Variants in SCLY observed in about 807,000 individuals in gnomAD.
The protein encoded by SCLY is selenocysteine lyase.
In SCLY, 38 loss-of-function variants were observed where a neutral mutation model predicts 50.1. That is an observed-to-expected ratio of 0.76 (90% CI 0.59 to 0.99). The LOEUF is 0.99. Ranked by LOEUF, SCLY falls within the 50% of genes least tolerant of loss-of-function variation. The probability of loss-of-function intolerance (pLI) is 0.00; values close to 1 mark genes in which losing one functional copy is unlikely to be tolerated. For synonymous variants in SCLY, 243 were observed against 249.4 expected, an observed-to-expected ratio of 0.97 and a Z score of 0.24; for missense variants, 600 against 620.0, an observed-to-expected ratio of 0.97 and a Z score of 0.34.
At chr2:238,085,771 G>A (rs1318988662) in intron 7 of SCLY, among the ~76,000 whole-genome samples, 1 of 152,092 alleles carries the variant, frequency 6.6e-6, no homozygotes, top group East Asian at 1.9e-4. Context: ...GGACCTATGA[G>A]ACGATAACAA....
intron 8 of SCLY, 81 bp downstream of exon 8, chr2:238,091,335 T>C (rs1253926526): frequency 9.0e-7 from 1 of 1,111,028 alleles, no homozygotes; most frequent in Non-Finnish European, 1.4e-6. Flanking sequence ...AATCTGGGGC[T>C]TTAGGGAGAT....
Position 238,066,836 on chromosome 2 carries a change from A to G in SCLY, c.203-1229A>G, listed in dbSNP as rs985803299. Reference sequence around the variant, plus strand: ...AGGTTTAATTGACTCACAGTTTCCCATGGCTGGGGAGGCCCCACAATCACG... The same window carrying G: ...AGGTTTAATTGACTCACAGTTTCCCGTGGCTGGGGAGGCCCCACAATCACG... On this transcript the variant is annotated intron_variant, in intron 2 of 11. Transcript: ENST00000254663. The surrounding 1 kb of genome is among the most constrained non-coding windows in gnomAD (Gnocchi z 4.1). Among the ~76,000 whole-genome samples the G allele has an allele frequency of 1.3e-5, 2 of 152,356 alleles. No individual in the cohort carries two copies. Among genetic ancestry groups the G allele is most frequent in the African/African-American group, 4.8e-5 (2 of 41,590 alleles).
chr2:238,083,155 C>T lies in SCLY; in HGVS notation c.778-93C>T, dbSNP rs2278742. ...AGCAGCAGGACTATGCATTGCAGAG[C>T]ATTTCTCCTGTGTGCCCCTAAGCAC... On this transcript the variant is annotated intron_variant, in intron 6 of 11. Coordinates refer to ENST00000254663, the MANE Select transcript of SCLY (RefSeq NM_016510.7). The surrounding 1 kb of genome is among the most constrained non-coding windows in gnomAD (Gnocchi z 4.3). The T allele has an allele frequency of 0.51, 450,687 of 880,998 alleles. 117,497 individuals are homozygous for T. Among genetic ancestry groups the T allele is most frequent in the African/African-American group, 0.57 (34,293 of 60,652 alleles). 54.6% of individuals were successfully genotyped at this position (880,998 alleles called of 1,614,324 possible).
In SCLY at chr2:238,098,748, T is replaced by C. The variant is rs1205331696; in HGVS notation, c.*393T>C. On this transcript the variant is annotated 3_prime_UTR_variant, in exon 12 of 12. Transcript: ENST00000254663. ...TGGGCACGCCTGTTGTGAGTGCCCT[T>C]TCCTGGAAGGTGTTTTTATCTGGAA... 2.9e-6 allele frequency: 1 copy of C among 340,600 alleles called. No individual in the cohort carries two copies. 21.1% of individuals were successfully genotyped at this position (340,600 alleles called of 1,614,324 possible). A position where few individuals can be genotyped will look rare whatever the true frequency, so the allele number is the denominator to read the frequency against.
At chr2:238,097,117 G>T (rs573177837) in intron 11 of SCLY, among the ~76,000 whole-genome samples, 4 of 150,434 alleles carry the variant, frequency 2.7e-5, no homozygotes, top group African/African-American at 4.9e-5. Flanking sequence ...GAAGGCGGAG[G>T]GAGGGCAGGG....
chr2:238,084,942 T>C (rs929877282), intron 7 of SCLY, among the ~76,000 whole-genome samples: 1 of 33,940 alleles, frequency 2.9e-5, no homozygotes, highest in East Asian at 3.4e-3. Flanking sequence ...CACTTGGCAG[T>C]GATGGTGGCA....
chr2:238,092,408 C>T (rs910359772), intron 8 of SCLY: 1 of 152,292 alleles, frequency 6.6e-6, no homozygotes, highest in Non-Finnish European at 1.5e-5. Flanking sequence ...TAAGTGGAGT[C>T]CGGTACCTGC....
At position 238,098,391 on chromosome 2, in the gene SCLY, G is replaced by A. The variant is rs774316276; in HGVS notation, c.*36G>A. Reference sequence around the variant, plus strand: ...GCCTTCCCCACCCCGCTTCTGGGAAGCCCGTGGCAGGGCACAGGGTTGTCC... The same window carrying A: ...GCCTTCCCCACCCCGCTTCTGGGAAACCCGTGGCAGGGCACAGGGTTGTCC... On this transcript the variant is annotated 3_prime_UTR_variant, in exon 12 of 12. Coordinates refer to ENST00000254663, the MANE Select transcript of SCLY (RefSeq NM_016510.7). 1 of 1,553,860 alleles carries A rather than the reference G, an allele frequency of 6.4e-7. No individual in the cohort carries two copies. The highest frequency in any genetic ancestry group is 8.7e-7 in the Non-Finnish European group (1 of 1,153,682).
Position 238,098,577 on chromosome 2 carries a change from G to GGGACCGCCCACATA in SCLY, c.*250_*263dup, listed in dbSNP as rs1244247305. The GGGACCGCCCACATA allele has an allele frequency of 5.3e-5, 18 of 337,064 alleles. 1 individual carries two copies. The highest frequency in any genetic ancestry group is 8.5e-5 in the Non-Finnish European group (18 of 212,970). 20.9% of individuals were successfully genotyped at this position (337,064 alleles called of 1,614,324 possible). A position where few individuals can be genotyped will look rare whatever the true frequency, so the allele number is the denominator to read the frequency against. ...CAACGCCGCATAGGACTGCCCACAT[G>GGGACCGCCCACATA]GGACCGCCCACATAGGACCGCCCAC... On this transcript the variant is annotated 3_prime_UTR_variant, in exon 12 of 12. Transcript: ENST00000254663.
At position 238,076,077 on chromosome 2, in the gene SCLY, G is replaced by A. The variant is rs1312380466; in HGVS notation, c.485-5632G>A. On this transcript the variant is annotated intron_variant, in intron 4 of 11. Coordinates refer to ENST00000254663, the MANE Select transcript of SCLY (RefSeq NM_016510.7). Reference sequence around the variant, plus strand: ...TTTTTTTTTTTTACAGTGTCTTAAGGTGGAAGATTAGTTATGATTTGTATT... The same window carrying A: ...TTTTTTTTTTTTACAGTGTCTTAAGATGGAAGATTAGTTATGATTTGTATT... 2.0e-5 allele frequency among the ~76,000 whole-genome samples: 3 copies of A among 147,992 alleles called. No individual in the cohort carries two copies. The East Asian group carries it at 5.9e-4, about 29-fold the overall frequency.
At chr2:238,082,509 G>T (rs2065248882) in intron 6 of SCLY, among the ~76,000 whole-genome samples, 1 of 152,192 alleles carries the variant, frequency 6.6e-6, no homozygotes, top group Non-Finnish European at 1.5e-5. Context: ...TAAGGCAGGG[G>T]GTTCGGCCAG....
chr2:238,080,166 C>T (rs114581615), intron 4 of SCLY: 9 of 151,980 alleles, frequency 5.9e-5, no homozygotes, highest in Non-Finnish European at 1.3e-4. Flanking sequence ...CTTGAGGACT[C>T]TCTATTTGAT....
chr2:238,065,741 C>T (rs1333466180), intron 2 of SCLY, among the ~76,000 whole-genome samples: 1 of 150,800 alleles, frequency 6.6e-6, no homozygotes, highest in African/African-American at 2.4e-5. Flanking sequence ...GTGGTGCAAT[C>T]TCGGGTCAAT....
At chr2:238,091,555 C>T (rs2065362318) in intron 8 of SCLY, 69 of 347,300 alleles carry the variant, frequency 2.0e-4, no homozygotes, top group South Asian at 4.0e-4. Context: ...TTCACCATTC[C>T]CAAAGGCGTC....
intron 1 of SCLY, among the ~76,000 whole-genome samples, chr2:238,062,002 A>G (rs1458528124): frequency 6.6e-6 from 1 of 152,204 alleles, no homozygotes; most frequent in Non-Finnish European, 1.5e-5. Flanking sequence ...CCTTGGTTGG[A>G]ACAAAGTGAA....
Position 238,083,408 on chromosome 2 carries a change from G to A in SCLY, c.884+54G>A. On this transcript the variant is annotated intron_variant, in intron 7 of 11. Coordinates refer to ENST00000254663, the MANE Select transcript of SCLY (RefSeq NM_016510.7). The surrounding 1 kb of genome is among the most constrained non-coding windows in gnomAD (Gnocchi z 4.3). ...ACCTACTGACCGTGTCATTTGTAGA[G>A]CAGTGACATTGTAAAGAAACATGGC... The A allele has an allele frequency of 7.8e-7, 1 of 1,276,196 alleles. No individual in the cohort carries two copies. Among genetic ancestry groups the A allele is most frequent in the South Asian group, 1.2e-5 (1 of 84,110 alleles). 79.1% of individuals were successfully genotyped at this position (1,276,196 alleles called of 1,614,324 possible).
At chr2:238,088,710 C>T (rs1423389694) in intron 7 of SCLY, among the ~76,000 whole-genome samples, 2 of 152,186 alleles carry the variant, frequency 1.3e-5, no homozygotes, top group African/African-American at 4.8e-5. Context: ...AAGCATTTGA[C>T]AAAATTCAAC....
At chr2:238,097,532 G>A (rs2065452296) in intron 11 of SCLY, among the ~76,000 whole-genome samples, 1 of 152,128 alleles carries the variant, frequency 6.6e-6, no homozygotes, top group Admixed American at 6.5e-5. Context: ...GGCCATCAAG[G>A]TCAGGGCAGA....
chr2:238,061,492 G>C, intron 1 of SCLY: 3 of 391,262 alleles, frequency 7.7e-6, no homozygotes, highest in Non-Finnish European at 1.4e-5. Flanking sequence ...CCCTGAGCCC[G>C]GGAAGAACTT....
Sources: gnomAD v4.1 joint callset for allele counts (sites outside exome capture counted in the v4.1 genomes callset) on GRCh38, gnomAD v4.1.1 for gene constraint, Gnocchi (gnomAD v3.1) non-coding constraint, MANE v1.5 for transcripts, NCBI Gene and HGNC (gene_info 2026-07-23, HGNC 2026-07-21) for gene names.